The following PHF1 variants were observed in gnomAD, a reference collection of about 807,000 sequenced individuals.
The protein encoded by PHF1 is polycomb-like 1.
In PHF1, 16 loss-of-function variants were observed where a neutral mutation model predicts 69.4. The ratio of observed to expected loss-of-function variants is 0.23; its 90% CI spans 0.16 to 0.35. The LOEUF is 0.35. PHF1 is among the 10% of genes least tolerant of loss of function. PHF1 has a pLI of 1.00. For synonymous variants in PHF1, 274 were observed against 275.0 expected (o/e 1.00, Z 0.04); for missense variants, 515 against 732.8 (o/e 0.70, Z 3.43).
rs375821683 is a variant in PHF1 at position 33,412,763 on chromosome 6, C to T, written c.307C>T (p.Arg103Trp). Reference protein sequence around the residue: ...CRSETVVPGNRLVSCEKCRHA... With the variant: ...CRSETVVPGNWLVSCEKCRHA... ...CTCTGAGACTGTGGTCCCTGGGAACCGGCTGGTCAGCTGTGAGAAGTGTCG... is the reference window on the plus strand; with the variant it reads ...CTCTGAGACTGTGGTCCCTGGGAACTGGCTGGTCAGCTGTGAGAAGTGTCG... Residue 103 changes from arginine to tryptophan, a missense_variant, in exon 4 of 15, where the codon CGG becomes TGG. Around this residue, in one of 5 missense-constraint regions of PHF1, gnomAD observed 142 missense variants for 309.7 expected, o/e 0.46. Coordinates refer to ENST00000374516, the MANE Select transcript of PHF1 (RefSeq NM_024165.3). The surrounding 1 kb of genome is among the most constrained non-coding windows in gnomAD (Gnocchi z 4.2). 7.3e-5 allele frequency: 118 copies of T among 1,613,896 alleles called. No individual in the cohort carries two copies. Among genetic ancestry groups the T allele is most frequent in the African/African-American group, 2.3e-4 (17 of 74,884 alleles).
Position 33,414,664 on chromosome 6 carries a change from G to A in PHF1, c.945-61G>A. 2 of 1,549,588 alleles carry A rather than the reference G, an allele frequency of 1.3e-6. No homozygotes were observed. Among genetic ancestry groups the A allele is most frequent in the Non-Finnish European group, 1.8e-6 (2 of 1,123,348 alleles). On this transcript the variant is annotated intron_variant, in intron 10 of 14. Transcript: ENST00000374516. This position sits in a 1 kb window ranked among gnomAD's most constrained non-coding sequence, Gnocchi z 5.0. ...CTGTGACTGAAAAGGATTGAGGAATGGCGTAAGGAGGAACCGTTTTTTACA... is the reference window on the plus strand; with the variant it reads ...CTGTGACTGAAAAGGATTGAGGAATAGCGTAAGGAGGAACCGTTTTTTACA...
chr6:33,410,792 G>A (rs1393294901), upstream of PHF1: 1 of 152,200 alleles, frequency 6.6e-6, no homozygotes, highest in East Asian at 1.9e-4. Flanking sequence ...CGGAGGAAGG[G>A]GCTGAGGGGA....
intron 13 of PHF1, 37 bp downstream of exon 13, chr6:33,415,366 T>C: frequency 6.8e-7 from 1 of 1,474,906 alleles, no homozygotes; most frequent in Non-Finnish European, 9.4e-7. Flanking sequence ...CAAAATATGC[T>C]CCCAATTATT....
Position 33,412,459 on chromosome 6 carries a change from C to G in PHF1, c.159+37C>G. 1 of 1,614,206 alleles carries G rather than the reference C, an allele frequency of 6.2e-7. No individual in the cohort carries two copies. The highest frequency in any genetic ancestry group is 8.5e-7 in the Non-Finnish European group (1 of 1,179,998). Reference sequence around the variant, plus strand: ...TACCTCTGACCTTCTTCCTAGTTCCCTTATCTAATTCTGGTTCCCATTTCA... The same window carrying G: ...TACCTCTGACCTTCTTCCTAGTTCCGTTATCTAATTCTGGTTCCCATTTCA... On this transcript the variant is annotated intron_variant, in intron 2 of 14. Coordinates refer to ENST00000374516, the MANE Select transcript of PHF1 (RefSeq NM_024165.3). The surrounding 1 kb of genome is among the most constrained non-coding windows in gnomAD (Gnocchi z 4.2).
rs1465510853 is a variant in PHF1, at chr6:33,412,860, G to C, written c.337+67G>C. ...CTCCAGGATGGTCTCTATATCACCT[G>C]TCCTGGCCTTAGTCCCCAAGCCACT... On this transcript the variant is annotated intron_variant, in intron 4 of 14. Coordinates refer to ENST00000374516, the MANE Select transcript of PHF1 (RefSeq NM_024165.3). The surrounding 1 kb of genome is among the most constrained non-coding windows in gnomAD (Gnocchi z 4.2). 7 of 1,332,236 alleles carry C rather than the reference G, an allele frequency of 5.3e-6. No individual in the cohort carries two copies. In the East Asian group the frequency reaches 1.4e-4, roughly 26 times the overall value. 82.5% of individuals were successfully genotyped at this position (1,332,236 alleles called of 1,614,324 possible). A position where few individuals can be genotyped will look rare whatever the true frequency, so the allele number is the denominator to read the frequency against.
Position 33,414,590 on chromosome 6 carries a change from T to G in PHF1, c.944+46T>G, listed in dbSNP as rs753022895. The G allele has an allele frequency of 1.9e-6, 3 of 1,598,740 alleles. No homozygotes were observed. Among genetic ancestry groups the G allele is most frequent in the African/African-American group, 1.3e-5 (1 of 74,614 alleles). ...GGCAAGGATGAGGCTCGGAAAGAGATGGAGAGTGGAAGCCTGGAAGGGGAG... is the reference window on the plus strand; with the variant it reads ...GGCAAGGATGAGGCTCGGAAAGAGAGGGAGAGTGGAAGCCTGGAAGGGGAG... On this transcript the variant is annotated intron_variant, in intron 10 of 14. Transcript: ENST00000374516. This position sits in a 1 kb window ranked among gnomAD's most constrained non-coding sequence, Gnocchi z 5.0.
chr6:33,410,570 G>GGGAGGGCGGGGCGGGGGTAACAGCGAGT (rs1554300924), upstream of PHF1: 2 of 139,848 alleles, frequency 1.4e-5, no homozygotes, highest in Admixed American at 1.4e-4. Context: ...ACTCGTCACG[G>GGGAGGGCGGGGCGGGGGTAACAGCGAGT]GGAGGGCGGG....
At chr6:33,413,926 TC>T (rs1465524389) in intron 7 of PHF1, 95 bp downstream of exon 7, 8 of 1,533,498 alleles carry the variant, frequency 5.2e-6, no homozygotes, top group Non-Finnish European at 7.2e-6. Flanking sequence ...TCCAGTCTCT[TC>T]CCAACCTCTG....
Position 33,412,514 on chromosome 6 carries a change from A to G in PHF1, c.166A>G (p.Ser56Gly), listed in dbSNP as rs747445516. ...LYLGTIKKVD[S>G]AREVCLVQFE... is the part of the protein sequence containing the mutation. ...GTTTGCTCACCCATTCCAGGTGGAC[A>G]GTGCTAGGGAGGTGTGTCTGGTCCA... The change falls in exon 3 of 15, where the codon AGT (serine) becomes GGT (glycine). Residue 56 changes from serine to glycine, a missense_variant. Ser to Gly is a moderately conservative substitution (Grantham distance 56). This residue lies in a region of PHF1 where 22 missense variants were observed against 48.9 expected (regional missense o/e 0.45). Transcript: ENST00000374516. The surrounding 1 kb of genome is among the most constrained non-coding windows in gnomAD (Gnocchi z 4.2). 1.9e-6 allele frequency: 3 copies of G among 1,614,242 alleles called. No individual in the cohort carries two copies. The highest frequency in any genetic ancestry group is 1.7e-6 in the Non-Finnish European group (2 of 1,180,034).
chr6:33,413,961 CCGTCCTTG>C, intron 7 of PHF1, 72 bp from the exon 8 acceptor site: 2 of 1,582,818 alleles, frequency 1.3e-6, no homozygotes, highest in East Asian at 4.5e-5. Flanking sequence ...CCTGTTTGCC[CCGTCCTTG>C]CTTGTGAGTC....
chr6:33,413,530 G>A lies in PHF1; in HGVS notation c.560G>A (p.Ser187Asn), dbSNP rs1776230006. The change falls in exon 6 of 15, where the codon AGT becomes AAT. Residue 187 changes from serine to asparagine, a missense_variant. Coordinates refer to ENST00000374516, the MANE Select transcript of PHF1 (RefSeq NM_024165.3). ...DAGHLSNRQQ[S>N]YCYCGGPGEW... is the part of the protein sequence containing the mutation. ...GGACATCTGAGCAACCGACAGCAGA[G>A]TTACTGTTACTGTGGTGGCCCTGGG... is the stretch of plus-strand genomic sequence containing the variant. 2 of 1,614,220 alleles carry A rather than the reference G, an allele frequency of 1.2e-6. No homozygotes were observed. The highest frequency in any genetic ancestry group is 1.3e-5 in the African/African-American group (1 of 75,048).
At chr6:33,411,001 T>A (rs1033389377), upstream of PHF1, 1 of 64,382 alleles carries the variant, frequency 1.6e-5, no homozygotes, top group African/African-American at 6.0e-5. Flanking sequence ...CCTCCCTCCC[T>A]CCCCCCCGCC....
chr6:33,411,706 G>C (rs946994497), intron 1 of PHF1, among the ~76,000 whole-genome samples: 1 of 144,536 alleles, frequency 6.9e-6, no homozygotes, highest in Non-Finnish European at 1.5e-5. Flanking sequence ...GTTTGGGGTC[G>C]GGGGGAGGGC....
At position 33,412,332 on chromosome 6, in the gene PHF1, C is replaced by A. The variant is rs1441221590; in HGVS notation, c.69C>A (p.Pro23=). The change falls in exon 2 of 15, where the codon CCC becomes CCA. Residue 23 remains proline (P), a synonymous_variant. Coordinates refer to ENST00000374516, the MANE Select transcript of PHF1 (RefSeq NM_024165.3). This position sits in a 1 kb window ranked among gnomAD's most constrained non-coding sequence, Gnocchi z 4.2. ...TTTGGGACCCAGCTTCTCCTGCTCCCACCTCTGGCCCCAGGCCTCGGCTTT... is the reference window on the plus strand; with the variant it reads ...TTTGGGACCCAGCTTCTCCTGCTCCAACCTCTGGCCCCAGGCCTCGGCTTT... ...SSLWDPASPA[P]TSGPRPRLWE... The A allele has an allele frequency of 1.2e-6, 2 of 1,614,240 alleles. No homozygotes were observed. Among genetic ancestry groups the A allele is most frequent in the Non-Finnish European group, 1.7e-6 (2 of 1,180,040 alleles).
rs759548466 is a variant in PHF1 at position 33,414,072 on chromosome 6, G to A, written c.715G>A (p.Gly239Arg). The change falls in exon 8 of 15, where the codon GGG (glycine) becomes AGG (arginine). Residue 239 changes from glycine (G) to arginine (R), a missense_variant. By Grantham distance (125) the Gly-to-Arg change is moderately radical. Coordinates refer to ENST00000374516, the MANE Select transcript of PHF1 (RefSeq NM_024165.3). This position sits in a 1 kb window ranked among gnomAD's most constrained non-coding sequence, Gnocchi z 5.0. ...FYEFECCVCRGGPEKVRRLQL... is the reference protein window; with the variant it reads ...FYEFECCVCRRGPEKVRRLQL... ...TGAATTTGAATGCTGTGTGTGTCGC[G>A]GGGGCCCTGAGAAAGTCCGGAGACT... The A allele has an allele frequency of 5.0e-6, 8 of 1,614,038 alleles. No individual in the cohort carries two copies. Among genetic ancestry groups the A allele is most frequent in the East Asian group, 2.2e-5 (1 of 44,876 alleles).
In PHF1 at chr6:33,412,570, A is replaced by G; in HGVS notation, c.222A>G (p.Leu74=). Residue 74 remains leucine (L), a synonymous_variant, in exon 3 of 15, where the codon CTA becomes CTG. Transcript: ENST00000374516. The surrounding 1 kb of genome is among the most constrained non-coding windows in gnomAD (Gnocchi z 4.2). ...AGGATGATTCGCAGTTTCTGGTTCTATGGAAAGACATTAGCCCTGGTAAGA... is the reference window on the plus strand; with the variant it reads ...AGGATGATTCGCAGTTTCTGGTTCTGTGGAAAGACATTAGCCCTGGTAAGA... ...QFEDDSQFLV[L]WKDISPAALP... 1 of 1,614,176 alleles carries G rather than the reference A, an allele frequency of 6.2e-7. No individual in the cohort carries two copies. Among genetic ancestry groups the G allele is most frequent in the Non-Finnish European group, 8.5e-7 (1 of 1,180,014 alleles).
At position 33,412,672 on chromosome 6, in the gene PHF1, C is replaced by G; in HGVS notation, c.242-26C>G. On this transcript the variant is annotated intron_variant, in intron 3 of 14. Coordinates refer to ENST00000374516, the MANE Select transcript of PHF1 (RefSeq NM_024165.3). This position sits in a 1 kb window ranked among gnomAD's most constrained non-coding sequence, Gnocchi z 4.2. ...GGGCAGAAAGAGACTTAAAGGCAGG[C>G]CCTGTGACACTGTGTTCTCTCACAG... 1 of 1,610,940 alleles carries G rather than the reference C, an allele frequency of 6.2e-7. No individual in the cohort carries two copies. Among genetic ancestry groups the G allele is most frequent in the Non-Finnish European group, 8.5e-7 (1 of 1,177,018 alleles).
chr6:33,413,043 A>G (rs1776198225), intron 4 of PHF1, 153 bp from the exon 5 acceptor site: 1 of 778,094 alleles, frequency 1.3e-6, no homozygotes, highest in South Asian at 1.5e-5. Flanking sequence ...CTTAACCTCT[A>G]GGAGCCTCAG....
At chr6:33,413,853 T>C (rs1198691822) in intron 7 of PHF1, 22 bp downstream of exon 7, 40 of 1,602,980 alleles carry the variant, frequency 2.5e-5, no homozygotes, top group Non-Finnish European at 3.2e-5. Context: ...GCAGACTCTC[T>C]AGGAGCCAAG....
Sources: allele counts gnomAD v4.1 joint callset (sites outside exome capture counted in the v4.1 genomes callset), GRCh38; gene constraint gnomAD v4.1.1; regional missense constraint gnomAD v4.1.1; non-coding constraint Gnocchi (gnomAD v3.1); transcripts MANE v1.5; gene names NCBI Gene and HGNC (gene_info 2026-07-23, HGNC 2026-07-21).